Variants in AGPAT3 observed in about 807,000 individuals in gnomAD.
AGPAT3 encodes 1-acylglycerol-3-phosphate O-acyltransferase 3.
Under a neutral mutation model 47.3 loss-of-function variants are expected in AGPAT3, and 5 were observed. The ratio of observed to expected loss-of-function variants is 0.11; its 90% CI spans 0.06 to 0.22. The LOEUF is 0.22. Ranked by LOEUF, AGPAT3 falls within the 10% of genes least tolerant of loss-of-function variation. AGPAT3 has a pLI of 1.00. For synonymous variants in AGPAT3, 212 were observed against 208.3 expected (o/e 1.02, Z -0.15); for missense variants, 315 against 493.0 (o/e 0.64, Z 3.42).
In AGPAT3 at chr21:43,955,685, T is replaced by C. The variant is rs1353837984; in HGVS notation, c.-48-3949T>C. Among the ~76,000 whole-genome samples, 1 of 151,892 alleles carries C rather than the reference T, an allele frequency of 6.6e-6. No individual in the cohort carries two copies. The highest frequency in any genetic ancestry group is 2.4e-5 in the African/African-American group (1 of 41,416). ...CTTTGGGAGGTCGAGTTGGGCGGAT[T>C]ACCTGAGGTCAGGAGATCGAGGCCA... On this transcript the variant is annotated intron_variant, in intron 2 of 9. Coordinates refer to ENST00000291572, the MANE Select transcript of AGPAT3 (RefSeq NM_020132.5). The surrounding 1 kb of genome is among the most constrained non-coding windows in gnomAD (Gnocchi z 4.1).
chr21:43,971,787 C>G (rs1288218533), intron 7 of AGPAT3, among the ~76,000 whole-genome samples: 1 of 152,208 alleles, frequency 6.6e-6, no homozygotes, highest in South Asian at 2.1e-4. Flanking sequence ...AATCATTGAC[C>G]TGGCTTTCGA....
chr21:43,936,841 C>G (rs1569075039), intron 2 of AGPAT3, among the ~76,000 whole-genome samples: 1 of 152,252 alleles, frequency 6.6e-6, no homozygotes, highest in African/African-American at 2.4e-5. Flanking sequence ...GCGAAAAGGG[C>G]TTCCCTGTGT....
intron 1 of AGPAT3, among the ~76,000 whole-genome samples, chr21:43,872,448 T>C (rs748205973): frequency 3.9e-5 from 6 of 152,334 alleles, no homozygotes; most frequent in Non-Finnish European, 4.4e-5. Flanking sequence ...CCCAAAGTGT[T>C]GGAATTACAG....
rs867141963 is a variant in AGPAT3, at chr21:43,956,024, G to T, written c.-48-3610G>T. ...AGCTGATGTGCTGGCCCTCAAGCAG[G>T]CTTCTTGGGACCCTGGTTCTTCTGG... On this transcript the variant is annotated intron_variant, in intron 2 of 9. Coordinates refer to ENST00000291572, the MANE Select transcript of AGPAT3 (RefSeq NM_020132.5). Among the ~76,000 whole-genome samples the T allele has an allele frequency of 1.6e-4, 25 of 152,298 alleles. 1 individual carries two copies. Among genetic ancestry groups the T allele is most frequent in the African/African-American group, 5.3e-4 (22 of 41,580 alleles).
intron 2 of AGPAT3, among the ~76,000 whole-genome samples, chr21:43,910,995 C>A (rs2086620177): frequency 6.6e-6 from 1 of 152,208 alleles, no homozygotes; most frequent in Non-Finnish European, 1.5e-5. Context: ...TTCTTTACTC[C>A]ATTCCACATC....
At chr21:43,974,625 GTT>G (rs1159870406) in intron 7 of AGPAT3, among the ~76,000 whole-genome samples, 1 of 150,820 alleles carries the variant, frequency 6.6e-6, no homozygotes, top group Non-Finnish European at 1.5e-5. Context: ...TAAATTATGT[GTT>G]TGATATGTGT....
At chr21:43,883,634 C>G (rs2085902363) in intron 1 of AGPAT3, among the ~76,000 whole-genome samples, 1 of 152,182 alleles carries the variant, frequency 6.6e-6, no homozygotes, top group Admixed American at 6.5e-5. Context: ...CGCTCTGTTG[C>G]CCAGGCTGGA....
At chr21:43,953,205 G>GCAC (rs1205421284) in intron 2 of AGPAT3, among the ~76,000 whole-genome samples, 2 of 152,248 alleles carry the variant, frequency 1.3e-5, no homozygotes, top group East Asian at 3.8e-4. Context: ...CGGGGAAAGG[G>GCAC]GACAGAGAGA....
intron 2 of AGPAT3, among the ~76,000 whole-genome samples, chr21:43,927,527 G>C (rs150414059): frequency 2.6e-5 from 4 of 152,298 alleles, no homozygotes; most frequent in South Asian, 4.1e-4. Flanking sequence ...TCAAGTGCTC[G>C]GCACCTCTCT....
intron 1 of AGPAT3, among the ~76,000 whole-genome samples, chr21:43,878,839 C>A (rs2085791485): frequency 6.6e-6 from 1 of 151,386 alleles, no homozygotes; most frequent in Non-Finnish European, 1.5e-5. Flanking sequence ...CTCCCGGGTT[C>A]AAGCGATTCT....
intron 2 of AGPAT3, among the ~76,000 whole-genome samples, chr21:43,943,681 C>T (rs1054420004): frequency 6.6e-6 from 1 of 152,184 alleles, no homozygotes; most frequent in Non-Finnish European, 1.5e-5. Context: ...GCCGCCACGG[C>T]CTGTGTCACG....
intron 2 of AGPAT3, among the ~76,000 whole-genome samples, chr21:43,953,613 G>A (rs1278980816): frequency 1.3e-5 from 2 of 152,236 alleles, no homozygotes; most frequent in Non-Finnish European, 2.9e-5. Flanking sequence ...TGTGGAAGAA[G>A]GGCAGTGGGA....
rs2089842030 is a variant in AGPAT3, at chr21:43,981,308, C to T, written c.1042+121C>T. 2 of 1,101,922 alleles carry T rather than the reference C, an allele frequency of 1.8e-6. No homozygotes were observed. Among genetic ancestry groups the T allele is most frequent in the Admixed American group, 4.0e-5 (2 of 49,408 alleles). 68.3% of individuals were successfully genotyped at this position (1,101,922 alleles called of 1,614,324 possible). ...GAGGCAGGGGCCTGGCTGTTATGGA[C>T]CCTGGAGCCAGGATCCCCCCACGGC... On this transcript the variant is annotated intron_variant, in intron 9 of 9. Transcript: ENST00000291572. The surrounding 1 kb of genome is among the most constrained non-coding windows in gnomAD (Gnocchi z 5.3).
At chr21:43,935,648 T>C (rs9978688) in intron 2 of AGPAT3, among the ~76,000 whole-genome samples, 114,437 of 152,170 alleles carry the variant, frequency 0.75, 43,175 homozygotes, top group Admixed American at 0.83. Context: ...GGGCTGGGTC[T>C]GCCTGGCATT....
chr21:43,923,116 C>G (rs1334135552), intron 2 of AGPAT3, among the ~76,000 whole-genome samples: 1 of 152,152 alleles, frequency 6.6e-6, no homozygotes, highest in Non-Finnish European at 1.5e-5. Context: ...GGGATGGAAT[C>G]CAGCCAGGCG....
At chr21:43,912,882 C>T (rs1178514483) in intron 2 of AGPAT3, among the ~76,000 whole-genome samples, 1 of 152,224 alleles carries the variant, frequency 6.6e-6, no homozygotes, top group African/African-American at 2.4e-5. Flanking sequence ...CTGCCTTGTC[C>T]CTGACGGTTG....
At chr21:43,937,800 C>T (rs1389185456) in intron 2 of AGPAT3, among the ~76,000 whole-genome samples, 1 of 152,164 alleles carries the variant, frequency 6.6e-6, no homozygotes. Flanking sequence ...ACTCCTTTCT[C>T]TCTCTCATTA....
intron 2 of AGPAT3, among the ~76,000 whole-genome samples, chr21:43,909,641 T>G (rs565314180): frequency 2.6e-5 from 4 of 152,320 alleles, no homozygotes; most frequent in African/African-American, 7.2e-5. Flanking sequence ...CTTGAGTCTT[T>G]CCTGGATAAT....
chr21:43,907,739 C>T (rs1009661613), intron 2 of AGPAT3, among the ~76,000 whole-genome samples: 2 of 152,138 alleles, frequency 1.3e-5, no homozygotes, highest in African/African-American at 4.8e-5. Context: ...AACAAAAAAA[C>T]CGTTCCATAT....
Sources: allele counts gnomAD v4.1 joint callset (sites outside exome capture counted in the v4.1 genomes callset), GRCh38; gene constraint gnomAD v4.1.1; non-coding constraint Gnocchi (gnomAD v3.1); transcripts MANE v1.5; gene names NCBI Gene and HGNC (gene_info 2026-07-23, HGNC 2026-07-21).